MARCHF4: variants seen among roughly 807,000 people sequenced by gnomAD.
MARCHF4 encodes the protein E3 ubiquitin-protein ligase MARCHF4.
MARCHF4 carries 14 observed loss-of-function variants against 43.9 expected under a neutral mutation model. That is an observed-to-expected ratio of 0.32 (90% CI 0.21 to 0.50). MARCHF4 has a LOEUF of 0.50. Among genes scored for constraint, MARCHF4 ranks in the 20% least tolerant of loss-of-function variants. The pLI is 0.98. For missense variants in MARCHF4, 468 were observed against 536.7 expected (o/e 0.87, Z 1.27); for synonymous variants, 226 against 213.3 (o/e 1.06, Z -0.52).
At position 216,366,499 on chromosome 2, in the gene MARCHF4, ATC is replaced by A. The variant is rs141356254; in HGVS notation, c.516+3244_516+3245del. On this transcript the variant is annotated intron_variant, in intron 1 of 3. Transcript: ENST00000273067. The stretch of plus-strand genomic sequence containing the variant: ...GTTCTCAAAGCAAGTGTTCACATCT[ATC>A]TCTCTCTCTCTCTCTTCCTTTCTTC... 4.0e-5 allele frequency among the ~76,000 whole-genome samples: 6 copies of A among 150,682 alleles called. No homozygotes were observed. In the East Asian group the frequency reaches 7.8e-4, roughly 20 times the overall value.
intron 1 of MARCHF4, among the ~76,000 whole-genome samples, chr2:216,364,382 A>T (rs1217622811): frequency 2.0e-5 from 3 of 152,032 alleles, no homozygotes; most frequent in Non-Finnish European, 4.4e-5. Flanking sequence ...TCTTCCAGGG[A>T]TCTTATAGTC....
intron 1 of MARCHF4, among the ~76,000 whole-genome samples, chr2:216,325,704 T>C (rs1239402913): frequency 6.6e-6 from 1 of 151,244 alleles, no homozygotes; most frequent in East Asian, 1.9e-4. Context: ...AAACAAGCAA[T>C]GGGGAAAGGA....
intron 1 of MARCHF4, among the ~76,000 whole-genome samples, chr2:216,289,403 C>T (rs1451136934): frequency 6.6e-6 from 1 of 152,096 alleles, no homozygotes; most frequent in Non-Finnish European, 1.5e-5. Context: ...CACTGCATAC[C>T]CTAATAAACT....
chr2:216,277,685 G>A lies in MARCHF4; in HGVS notation c.852C>T (p.Asp284=), dbSNP rs767022949. Residue 284 remains aspartate, a synonymous_variant, in exon 3 of 4, where the codon GAC becomes GAT. Transcript: ENST00000273067. The part of the protein sequence containing the change: ...QICYGMYGFM[D]VVCIGLIIHE... The stretch of plus-strand genomic sequence containing the variant: ...CCCCAGACCCACCTATGCACACCAC[G>A]TCCATGAAGCCATACATCCCGTAGC... 1.1e-5 allele frequency: 17 copies of A among 1,610,970 alleles called. No individual in the cohort carries two copies. Among genetic ancestry groups the A allele is most frequent in the South Asian group, 7.7e-5 (7 of 90,818 alleles).
chr2:216,324,046 A>G (rs1427209776), intron 1 of MARCHF4, among the ~76,000 whole-genome samples: 2 of 151,856 alleles, frequency 1.3e-5, no homozygotes, highest in Admixed American at 1.3e-4. Context: ...TGAAAGGATC[A>G]ACAAAATTGA....
intron 1 of MARCHF4, among the ~76,000 whole-genome samples, chr2:216,364,018 A>G (rs1692628328): frequency 6.6e-6 from 1 of 152,154 alleles, no homozygotes; most frequent in African/African-American, 2.4e-5. Context: ...CTTGAGGATT[A>G]TCTAGTCTCC....
chr2:216,287,346 T>C (rs1691232097), intron 1 of MARCHF4, among the ~76,000 whole-genome samples: 1 of 152,016 alleles, frequency 6.6e-6, no homozygotes, highest in Non-Finnish European at 1.5e-5. Context: ...CTCCAGCATT[T>C]GGGCTGGGAG....
At chr2:216,327,471 G>T (rs1013696319) in intron 1 of MARCHF4, among the ~76,000 whole-genome samples, 2 of 152,054 alleles carry the variant, frequency 1.3e-5, no homozygotes, top group Non-Finnish European at 2.9e-5. Flanking sequence ...CCTTGGTACA[G>T]TCATTTTGCC....
In MARCHF4 at chr2:216,258,507, G is replaced by GGTGTGT. The variant is rs61382542; in HGVS notation, c.*799_*804dup. ...CTGGAAATCTGTACTTTTCTCTAGG[G>GGTGTGT]GTGTGTGTGTGTGTGTGTGTGTGTG... On this transcript the variant is annotated 3_prime_UTR_variant, in exon 4 of 4. Transcript: ENST00000273067. 0.21 allele frequency: 30,463 copies of GGTGTGT among 145,026 alleles called. 3,195 individuals are homozygous for GGTGTGT. Among genetic ancestry groups the GGTGTGT allele is most frequent in the Middle Eastern group, 0.29 (84 of 288 alleles). The allele number at this position is 145,026 out of a possible 1,614,324, so 9.0% of individuals were successfully genotyped here. A position where few individuals can be genotyped will look rare whatever the true frequency, so the allele number is the denominator to read the frequency against.
intron 1 of MARCHF4, among the ~76,000 whole-genome samples, chr2:216,354,286 A>T (rs1692447511): frequency 6.6e-6 from 1 of 152,164 alleles, no homozygotes; most frequent in South Asian, 2.1e-4. Context: ...TGATGAGGAG[A>T]ATCAGGGTTA....
At chr2:216,316,718 A>G (rs574265243) in intron 1 of MARCHF4, among the ~76,000 whole-genome samples, 2 of 152,274 alleles carry the variant, frequency 1.3e-5, no homozygotes, top group Admixed American at 1.3e-4. Flanking sequence ...CTAAATTGCT[A>G]TGTACTTCTT....
At chr2:216,335,690 T>G (rs1442236354) in intron 1 of MARCHF4, among the ~76,000 whole-genome samples, 3 of 152,072 alleles carry the variant, frequency 2.0e-5, no homozygotes, top group African/African-American at 7.2e-5. Context: ...CTAGGAGAGA[T>G]TACTTTAATG....
chr2:216,289,802 T>C (rs147169156), intron 1 of MARCHF4, among the ~76,000 whole-genome samples: 74 of 152,238 alleles, frequency 4.9e-4, no homozygotes, highest in African/African-American at 1.6e-3. Flanking sequence ...TCAGAGAGAA[T>C]AGAAAAAGGA....
In MARCHF4 at chr2:216,342,985, A is replaced by C. The variant is rs1692258867; in HGVS notation, c.516+26760T>G. On this transcript the variant is annotated intron_variant, in intron 1 of 3. Transcript: ENST00000273067. Reference sequence around the variant, plus strand: ...AGGCAGAAAGGACTGACTGAGGAAGAAGCATGGGGACAGGAGCATACATGT... The same window carrying C: ...AGGCAGAAAGGACTGACTGAGGAAGCAGCATGGGGACAGGAGCATACATGT... 1.3e-5 allele frequency among the ~76,000 whole-genome samples: 2 copies of C among 152,130 alleles called. 1 individual carries two copies. Among genetic ancestry groups the C allele is most frequent in the East Asian group, 3.9e-4 (2 of 5,180 alleles).
chr2:216,295,838 G>A, intron 1 of MARCHF4, among the ~76,000 whole-genome samples: 1 of 152,204 alleles, frequency 6.6e-6, no homozygotes, highest in Admixed American at 6.5e-5. Context: ...TGTGTCAAGG[G>A]GAGGAAAGAA....
chr2:216,279,595 C>A (rs558433067), intron 2 of MARCHF4, among the ~76,000 whole-genome samples: 1 of 152,186 alleles, frequency 6.6e-6, no homozygotes, highest in Non-Finnish European at 1.5e-5. Context: ...CAGGGAGACC[C>A]GGATGGAAGC....
chr2:216,283,578 A>C lies in MARCHF4; in HGVS notation c.668T>G (p.Leu223Arg), dbSNP rs542517855. 6.2e-7 allele frequency: 1 copy of C among 1,600,460 alleles called. No homozygotes were observed. The highest frequency in any genetic ancestry group is 1.1e-5 in the South Asian group (1 of 90,554). Residue 223 changes from leucine (L) to arginine (R), a missense_variant, in exon 2 of 4, where the codon CTG becomes CGG. Physicochemically the swap from Leu to Arg is moderately radical, Grantham distance 102 (BLOSUM62 -2). Transcript: ENST00000273067. ...HVIAISTKNP[L>R]QWQAISLTVI... ...CCAGGCAGCCCTGGGTTGTACCTGC[A>C]GAGGATTTTTTGTGCTTATGGCGAT...
intron 1 of MARCHF4, among the ~76,000 whole-genome samples, chr2:216,361,534 G>C (rs1370839405): frequency 6.6e-6 from 1 of 152,072 alleles, no homozygotes. Context: ...TTTCTACATA[G>C]TTCCTGCCAA....
chr2:216,341,631 C>T (rs1480410539), intron 1 of MARCHF4, among the ~76,000 whole-genome samples: 1 of 152,254 alleles, frequency 6.6e-6, no homozygotes, highest in Non-Finnish European at 1.5e-5. Context: ...ATCCTGTTCT[C>T]AAAGCTGAGG....
Sources: gnomAD v4.1 joint callset for allele counts (sites outside exome capture counted in the v4.1 genomes callset) on GRCh38, gnomAD v4.1.1 for gene constraint, MANE v1.5 for transcripts, NCBI Gene and HGNC (gene_info 2026-07-23, HGNC 2026-07-21) for gene names.